Variants in TMCO1 observed in about 807,000 individuals in gnomAD.
TMCO1 encodes calcium load-activated calcium channel.
Under a neutral mutation model 29.3 loss-of-function variants are expected in TMCO1, and 29 were observed. That is an observed-to-expected ratio of 0.99 (90% CI 0.74 to 1.35). The LOEUF (loss-of-function observed/expected upper bound fraction) is 1.35, where lower values mean the gene tolerates loss of function less well. Ranked by LOEUF, TMCO1 falls within the 40% of genes most tolerant of loss-of-function variation. The pLI, the probability that TMCO1 is intolerant of heterozygous loss-of-function variation, is 0.00. For missense variants in TMCO1, 173 were observed against 225.5 expected (o/e 0.77, Z 1.49); for synonymous variants, 80 against 77.1 (o/e 1.04, Z -0.20).
At position 165,727,335 on chromosome 1, in the gene TMCO1, C is replaced by T. The variant is rs1424510373; in HGVS notation, c.*688G>A. On this transcript the variant is annotated 3_prime_UTR_variant, in exon 7 of 7. Coordinates refer to ENST00000367881, the MANE Select transcript of TMCO1 (RefSeq NM_019026.6). ...CATCAGTGTTACTTGCCAAGACCCT[C>T]ATTTTTAAACTCCAACGAGTTATTA... 1.1e-5 allele frequency: 5 copies of T among 453,714 alleles called. No homozygotes were observed. Among genetic ancestry groups the T allele is most frequent in the Non-Finnish European group, 2.2e-5 (5 of 226,720 alleles). 28.1% of individuals were successfully genotyped at this position (453,714 alleles called of 1,614,324 possible). A position where few individuals can be genotyped will look rare whatever the true frequency, so the allele number is the denominator to read the frequency against.
chr1:165,754,641 T>G (rs1416636426), intron 3 of TMCO1, among the ~76,000 whole-genome samples: 1 of 152,170 alleles, frequency 6.6e-6, no homozygotes, highest in African/African-American at 2.4e-5. Flanking sequence ...ATCCTTCTCT[T>G]AAATTTTCTA....
At chr1:165,744,480 T>C (rs1160685431) in intron 5 of TMCO1, among the ~76,000 whole-genome samples, 2 of 152,164 alleles carry the variant, frequency 1.3e-5, no homozygotes, top group Non-Finnish European at 2.9e-5. Context: ...AGAGAAGTTA[T>C]GTGTTAAATG....
chr1:165,768,466 C>T (rs1014530697), intron 1 of TMCO1, 197 bp from the exon 2 acceptor site: 3 of 1,539,878 alleles, frequency 1.9e-6, no homozygotes, highest in Non-Finnish European at 2.6e-6. Context: ...TCCACAAATA[C>T]CCAAGTGAAA....
At chr1:165,733,148 G>A (rs1651235970) in intron 6 of TMCO1, among the ~76,000 whole-genome samples, 1 of 152,036 alleles carries the variant, frequency 6.6e-6, no homozygotes, top group African/African-American at 2.4e-5. Context: ...CCAATGGTCA[G>A]GCTGTAATTC....
downstream of TMCO1, chr1:165,725,004 CTCTCTCTCTCTCTCTCTCTCTATA>C (rs1366473739): frequency 3.7e-5 from 10 of 270,272 alleles, no homozygotes; most frequent in African/African-American, 1.9e-4. Context: ...CTCTCTCTCT[CTCTCTCTCTCTCTCTCTCTCTATA>C]TATATATATA....
chr1:165,752,521 C>T (rs903748033), intron 4 of TMCO1, among the ~76,000 whole-genome samples: 4 of 151,850 alleles, frequency 2.6e-5, no homozygotes, highest in Non-Finnish European at 5.9e-5. Flanking sequence ...TCCCAAAGTG[C>T]TGGGATTACA....
chr1:165,743,755 G>T (rs572135519), intron 5 of TMCO1, among the ~76,000 whole-genome samples: 1 of 151,880 alleles, frequency 6.6e-6, no homozygotes, highest in African/African-American at 2.4e-5. Context: ...CCGGGTTCAA[G>T]CGATATAAAA....
intron 5 of TMCO1, among the ~76,000 whole-genome samples, chr1:165,745,434 C>T (rs559351381): frequency 4.3e-5 from 6 of 139,824 alleles, no homozygotes; most frequent in South Asian, 2.3e-4. Context: ...GCCATGAGTT[C>T]GAGACCAGCC....
Position 165,745,339 on chromosome 1 carries a change from A to G in TMCO1, c.324-2028T>C, listed in dbSNP as rs1379105077. On this transcript the variant is annotated intron_variant, in intron 5 of 6. Transcript: ENST00000367881. ...CTCTTGGCTTACATAATCTTTTAGT[A>G]TCCCTTATAGTCTTGGCCAGGCGTG... Among the ~76,000 whole-genome samples the G allele has an allele frequency of 2.7e-5, 4 of 149,892 alleles. No individual in the cohort carries two copies. The East Asian group carries it at 8.0e-4, about 30-fold the overall frequency.
chr1:165,761,698 C>T (rs1036919037), intron 2 of TMCO1, among the ~76,000 whole-genome samples: 2 of 151,890 alleles, frequency 1.3e-5, no homozygotes, highest in Admixed American at 1.3e-4. Context: ...TCTGTAAGCC[C>T]AGCACTCTGA....
At chr1:165,729,402 T>C (rs1283717149) in intron 6 of TMCO1, among the ~76,000 whole-genome samples, 2 of 151,786 alleles carry the variant, frequency 1.3e-5, no homozygotes, top group African/African-American at 2.4e-5. Context: ...CAGTAACCTC[T>C]GCCTCCTGGG....
chr1:165,764,718 G>A (rs1652510429), intron 2 of TMCO1, among the ~76,000 whole-genome samples: 1 of 152,128 alleles, frequency 6.6e-6, no homozygotes, highest in South Asian at 2.1e-4. Flanking sequence ...GTGCTGTGCT[G>A]GACCTTACAG....
intron 5 of TMCO1, among the ~76,000 whole-genome samples, chr1:165,749,250 A>G (rs779298103): frequency 2.0e-5 from 3 of 151,414 alleles, no homozygotes; most frequent in Non-Finnish European, 2.9e-5. Flanking sequence ...TAAGTTTTAT[A>G]TATTACTCAT....
At chr1:165,760,795 A>G (rs189506083) in intron 2 of TMCO1, among the ~76,000 whole-genome samples, 243 of 152,232 alleles carry the variant, frequency 1.6e-3, no homozygotes, top group Non-Finnish European at 2.8e-3. Flanking sequence ...GCGAGACCCC[A>G]TCTCAAAAAA....
intron 3 of TMCO1, among the ~76,000 whole-genome samples, chr1:165,759,224 A>G (rs1387215562): frequency 1.3e-5 from 2 of 152,228 alleles, no homozygotes; most frequent in Non-Finnish European, 2.9e-5. Context: ...TCAGATATAA[A>G]AAACAACATG....
Position 165,759,543 on chromosome 1 carries a change from G to T in TMCO1, c.190C>A (p.Gln64Lys). The change falls in exon 3 of 7, where the codon CAA (glutamine) becomes AAA (lysine). Residue 64 changes from glutamine (Q) to lysine (K), a missense_variant. Gln to Lys is a moderately conservative substitution (Grantham distance 53, BLOSUM62 1). Coordinates refer to ENST00000367881, the MANE Select transcript of TMCO1 (RefSeq NM_019026.6). ...ATCTTACCTATTTTCTTTTTCTGTTGTCGACCAGCTGACTCTGTTATTGTT... is the reference window on the plus strand; with the variant it reads ...ATCTTACCTATTTTCTTTTTCTGTTTTCGACCAGCTGACTCTGTTATTGTT... ...KETITESAGRQQKKKIERQEE... is the reference protein window; with the variant it reads ...KETITESAGRKQKKKIERQEE... 6.2e-7 allele frequency: 1 copy of T among 1,611,848 alleles called. No individual in the cohort carries two copies. Among genetic ancestry groups the T allele is most frequent in the Non-Finnish European group, 8.5e-7 (1 of 1,179,046 alleles).
intron 5 of TMCO1, among the ~76,000 whole-genome samples, chr1:165,746,708 T>C (rs552931847): frequency 2.8e-4 from 43 of 152,326 alleles, no homozygotes; most frequent in Middle Eastern, 3.4e-3. Flanking sequence ...ATTCTCTTCA[T>C]CTTGTTCCCA....
Position 165,768,785 on chromosome 1 carries a change from G to A in TMCO1, c.-34C>T, listed in dbSNP as rs201934474. On this transcript the variant is annotated 5_prime_UTR_variant, in exon 1 of 7. Coordinates refer to ENST00000367881, the MANE Select transcript of TMCO1 (RefSeq NM_019026.6). ...TTCGTCTCTGCACTCTCACCCGCCA[G>A]GGGGAAAGCGCTCTACAGCCAGGAA... The A allele has an allele frequency of 3.1e-6, 5 of 1,613,780 alleles. No individual in the cohort carries two copies. Among genetic ancestry groups the A allele is most frequent in the East Asian group, 4.5e-5 (2 of 44,896 alleles).
At chr1:165,763,197 T>C (rs1652457001) in intron 2 of TMCO1, among the ~76,000 whole-genome samples, 1 of 152,228 alleles carries the variant, frequency 6.6e-6, no homozygotes, top group Admixed American at 6.5e-5. Flanking sequence ...CTTAAATTCA[T>C]ACTACGTTCT....
Sources: gnomAD v4.1 joint callset for allele counts (sites outside exome capture counted in the v4.1 genomes callset) on GRCh38, gnomAD v4.1.1 for gene constraint, MANE v1.5 for transcripts, NCBI Gene and HGNC (gene_info 2026-07-23, HGNC 2026-07-21) for gene names.